SORCS3: variants seen among roughly 807,000 people sequenced by gnomAD.
The protein encoded by SORCS3 is VPS10 domain-containing receptor SorCS3.
A neutral mutation model predicts 146.3 loss-of-function variants in SORCS3; 57 were observed. The observed-to-expected ratio is 0.39, with a 90% CI of 0.31 to 0.49. The LOEUF (loss-of-function observed/expected upper bound fraction) is 0.49, where lower values mean the gene tolerates loss of function less well. Ranked by LOEUF, SORCS3 falls within the 20% of genes least tolerant of loss-of-function variation. The pLI is 0.92. For synonymous variants in SORCS3, 653 were observed against 618.5 expected (o/e 1.06, Z -0.83); for missense variants, 1,341 against 1,575.5 (o/e 0.85, Z 2.52).
chr10:104,733,535 T>C (rs2016733082), intron 1 of SORCS3, among the ~76,000 whole-genome samples: 1 of 151,254 alleles, frequency 6.6e-6, no homozygotes, highest in African/African-American at 2.4e-5. Flanking sequence ...TTTTTTTTTT[T>C]TTTTTGTAGA....
intron 1 of SORCS3, among the ~76,000 whole-genome samples, chr10:104,787,640 G>T (rs1564683606): frequency 6.6e-6 from 1 of 152,068 alleles, no homozygotes; most frequent in Non-Finnish European, 1.5e-5. Flanking sequence ...AAGAATTTTT[G>T]CCTGTACAAC....
chr10:105,135,022 G>A (rs1189981880), intron 7 of SORCS3, among the ~76,000 whole-genome samples: 2 of 151,698 alleles, frequency 1.3e-5, no homozygotes, highest in African/African-American at 4.8e-5. Context: ...AATTTCAAAA[G>A]CAAGCAAAAG....
chr10:104,708,421 C>T (rs966143517), intron 1 of SORCS3, among the ~76,000 whole-genome samples: 5 of 152,294 alleles, frequency 3.3e-5, no homozygotes, highest in African/African-American at 1.2e-4. Context: ...TCCCAAGAGA[C>T]CCAGACTAGC....
intron 1 of SORCS3, among the ~76,000 whole-genome samples, chr10:104,795,513 CA>C (rs2017544671): frequency 6.6e-6 from 1 of 152,200 alleles, no homozygotes; most frequent in South Asian, 2.1e-4. Flanking sequence ...TGGTTCATGA[CA>C]AACAGGTTCT....
At chr10:104,941,120 A>G (rs1424535024) in intron 3 of SORCS3, among the ~76,000 whole-genome samples, 1 of 152,302 alleles carries the variant, frequency 6.6e-6, no homozygotes, top group African/African-American at 2.4e-5. Flanking sequence ...CAGTGAGTAC[A>G]CTAGAGGTCA....
chr10:105,208,926 C>T (rs1364756227), intron 16 of SORCS3, among the ~76,000 whole-genome samples: 3 of 151,852 alleles, frequency 2.0e-5, no homozygotes, highest in African/African-American at 7.3e-5. Context: ...TCTGTTTCTC[C>T]TTCCTTCCTT....
intron 25 of SORCS3, among the ~76,000 whole-genome samples, chr10:105,258,672 CT>C (rs1191730565): frequency 6.6e-6 from 1 of 152,148 alleles, no homozygotes; most frequent in Non-Finnish European, 1.5e-5. Flanking sequence ...TGTTAAACTC[CT>C]TAGACGGTCA....
intron 20 of SORCS3, among the ~76,000 whole-genome samples, chr10:105,242,728 A>G (rs1354192421): frequency 1.9e-5 from 2 of 104,310 alleles, no homozygotes; most frequent in African/African-American, 8.0e-5. Flanking sequence ...ATATACATTT[A>G]TATATATTTA....
At chr10:105,059,660 A>G (rs2055469840) in intron 5 of SORCS3, among the ~76,000 whole-genome samples, 1 of 152,184 alleles carries the variant, frequency 6.6e-6, no homozygotes, top group South Asian at 2.1e-4. Context: ...GTGTTTTTCC[A>G]CTGTATGCAG....
At chr10:104,760,386 A>C (rs2017106057) in intron 1 of SORCS3, among the ~76,000 whole-genome samples, 1 of 152,204 alleles carries the variant, frequency 6.6e-6, no homozygotes, top group Non-Finnish European at 1.5e-5. Flanking sequence ...TTTATCTAAG[A>C]ATTGCTTCTT....
At chr10:105,242,736 T>TTA (rs1564793820) in intron 20 of SORCS3, among the ~76,000 whole-genome samples, 27 of 104,554 alleles carry the variant, frequency 2.6e-4, no homozygotes, top group African/African-American at 9.6e-4. Flanking sequence ...TTATATATAT[T>TTA]TATATATTTA....
chr10:104,683,579 A>G (rs1420986801), intron 1 of SORCS3, among the ~76,000 whole-genome samples: 3 of 152,184 alleles, frequency 2.0e-5, no homozygotes, highest in Admixed American at 6.5e-5. Context: ...ATGATGGCTC[A>G]TTGTATAGAT....
chr10:105,061,241 G>T (rs73342223), intron 5 of SORCS3, among the ~76,000 whole-genome samples: 8,922 of 150,656 alleles, frequency 0.059, 284 homozygotes, highest in Middle Eastern at 0.086. Context: ...GAGTAGTTTT[G>T]TGTTTGTTTT....
intron 2 of SORCS3, among the ~76,000 whole-genome samples, chr10:104,901,594 C>T (rs2018851659): frequency 6.6e-6 from 1 of 152,200 alleles, no homozygotes; most frequent in Admixed American, 6.5e-5. Flanking sequence ...TCAAACCTTC[C>T]CCTCACCTAC....
intron 23 of SORCS3, among the ~76,000 whole-genome samples, chr10:105,253,736 A>G (rs1473860501): frequency 6.6e-6 from 1 of 152,242 alleles, no homozygotes; most frequent in Non-Finnish European, 1.5e-5. Context: ...CTCACTGGCC[A>G]TCACCCCATC....
chr10:104,822,120 T>C (rs760953233), intron 1 of SORCS3: 4 of 518,248 alleles, frequency 7.7e-6, no homozygotes, highest in African/African-American at 5.8e-5. Context: ...CTTATTTCTC[T>C]AGATCAGGAA....
chr10:105,068,069 C>T (rs999274779), intron 5 of SORCS3, among the ~76,000 whole-genome samples: 1 of 152,038 alleles, frequency 6.6e-6, no homozygotes, highest in Non-Finnish European at 1.5e-5. Context: ...TCATGCCCCT[C>T]GCAACATCTC....
At chr10:105,025,288 A>C (rs1379101294) in intron 4 of SORCS3, among the ~76,000 whole-genome samples, 1 of 152,174 alleles carries the variant, frequency 6.6e-6, no homozygotes, top group East Asian at 1.9e-4. Flanking sequence ...ATCTGGAGGC[A>C]AGATCAGCTG....
intron 1 of SORCS3, among the ~76,000 whole-genome samples, chr10:104,699,462 G>A (rs2016255061): frequency 6.6e-6 from 1 of 152,146 alleles, no homozygotes; most frequent in South Asian, 2.1e-4. Flanking sequence ...ATCTAGGATG[G>A]TTTCAAAGAT....
Sources: allele counts gnomAD v4.1 joint callset (sites outside exome capture counted in the v4.1 genomes callset), GRCh38; gene constraint gnomAD v4.1.1; transcripts MANE v1.5; gene names NCBI Gene and HGNC (gene_info 2026-07-23, HGNC 2026-07-21).